MAPK10: variants seen among roughly 807,000 people sequenced by gnomAD.
MAPK10 encodes mitogen-activated protein kinase 10.
Under a neutral mutation model 59.3 loss-of-function variants are expected in MAPK10, and 25 were observed. The observed-to-expected ratio is 0.42, with a 90% CI of 0.31 to 0.59. The LOEUF (loss-of-function observed/expected upper bound fraction) is 0.59, where lower values mean the gene tolerates loss of function less well. Ranked by LOEUF, MAPK10 falls within the 20% of genes least tolerant of loss-of-function variation. The pLI is 0.15. For missense variants in MAPK10, 351 were observed against 568.9 expected (o/e 0.62, Z 3.90); for synonymous variants, 190 against 200.5 (o/e 0.95, Z 0.44).
At chr4:86,108,714 T>G (rs1255542587) in intron 4 of MAPK10, among the ~76,000 whole-genome samples, 1 of 152,216 alleles carries the variant, frequency 6.6e-6, no homozygotes, top group Non-Finnish European at 1.5e-5. Context: ...GCCATCATTC[T>G]AATAAACAGA....
chr4:86,270,221 G>C (rs1214742902), intron 2 of MAPK10, among the ~76,000 whole-genome samples: 2 of 151,924 alleles, frequency 1.3e-5, no homozygotes, highest in Non-Finnish European at 1.5e-5. Context: ...CTGTTCAAAA[G>C]TTGCTCAGCA....
At chr4:86,122,662 C>A (rs2059445959) in intron 4 of MAPK10, among the ~76,000 whole-genome samples, 1 of 152,102 alleles carries the variant, frequency 6.6e-6, no homozygotes, top group African/African-American at 2.4e-5. Flanking sequence ...ATTGTGTAAG[C>A]TGACACAATT....
intron 1 of MAPK10, among the ~76,000 whole-genome samples, chr4:86,585,542 A>C (rs1397493022): frequency 6.6e-6 from 1 of 152,248 alleles, no homozygotes; most frequent in Non-Finnish European, 1.5e-5. Context: ...CTGGCTAATG[A>C]ATGCATAACG....
chr4:86,297,788 G>A (rs558671036), intron 2 of MAPK10, among the ~76,000 whole-genome samples: 3 of 152,012 alleles, frequency 2.0e-5, no homozygotes, highest in South Asian at 2.1e-4. Context: ...AAGAGTGATC[G>A]ATGTCAAACA....
At chr4:86,022,942 T>C (rs1003816570) in intron 13 of MAPK10, among the ~76,000 whole-genome samples, 1 of 152,264 alleles carries the variant, frequency 6.6e-6, no homozygotes, top group African/African-American at 2.4e-5. Flanking sequence ...ATTTTTAATT[T>C]TTATGAAATA....
chr4:86,222,769 C>G (rs909657983), intron 2 of MAPK10, among the ~76,000 whole-genome samples: 2 of 152,264 alleles, frequency 1.3e-5, no homozygotes, highest in African/African-American at 4.8e-5. Context: ...CTATGCACCC[C>G]CTAATAGACT....
chr4:86,401,921 G>C (rs1267951444), intron 1 of MAPK10, among the ~76,000 whole-genome samples: 15 of 152,030 alleles, frequency 9.9e-5, no homozygotes, highest in Admixed American at 9.8e-4. Flanking sequence ...TTGAAACTTT[G>C]AGAAACTATC....
intron 2 of MAPK10, among the ~76,000 whole-genome samples, chr4:86,204,027 A>G (rs1266271572): frequency 1.3e-5 from 2 of 151,892 alleles, no homozygotes; most frequent in African/African-American, 4.8e-5. Context: ...GTATCGGAAC[A>G]TAGCCATCCA....
rs536736910 is a variant in MAPK10, at chr4:86,494,782, G to T, written c.-263+99128C>A. 2.1e-4 allele frequency among the ~76,000 whole-genome samples: 28 copies of T among 136,006 alleles called. No homozygotes were observed. The South Asian group carries it at 2.2e-3, about 11-fold the overall frequency. The allele number at this position is 136,006 out of a possible 152,430, so 89.2% of individuals were successfully genotyped here. The stretch of plus-strand genomic sequence containing the variant: ...GGCGTGAACCTGGGAGGCGGAGCTT[G>T]CAGTGAGCTGAGATCGTGCCACTGC... On this transcript the variant is annotated intron_variant, in intron 1 of 4. Transcript: ENST00000502302.
At chr4:86,070,324 T>G (rs2148999657) in intron 9 of MAPK10, among the ~76,000 whole-genome samples, 1 of 152,194 alleles carries the variant, frequency 6.6e-6, no homozygotes, top group Admixed American at 6.5e-5. Context: ...ATGTCCAATT[T>G]AGTTGAGCAC....
chr4:86,070,496 T>G (rs1210003786), intron 9 of MAPK10, among the ~76,000 whole-genome samples: 2 of 150,824 alleles, frequency 1.3e-5, no homozygotes, highest in Admixed American at 6.6e-5. Context: ...ACCCACTAAC[T>G]CGTCATCTAG....
intron 1 of MAPK10, chr4:86,358,392 C>T (rs17417318): frequency 0.038 from 37,062 of 984,962 alleles, 781 homozygotes; most frequent in Non-Finnish European, 0.042. Context: ...TTCCTTCCAC[C>T]TGAACTGTAG....
intron 3 of MAPK10, among the ~76,000 whole-genome samples, chr4:86,185,193 G>T (rs1001655941): frequency 6.6e-6 from 1 of 152,156 alleles, no homozygotes; most frequent in African/African-American, 2.4e-5. Flanking sequence ...TGGTTCATGT[G>T]CAAAATGCAT....
chr4:86,041,171 G>A (rs2041440994), intron 11 of MAPK10, among the ~76,000 whole-genome samples: 1 of 151,940 alleles, frequency 6.6e-6, no homozygotes, highest in Admixed American at 6.6e-5. Flanking sequence ...CTACAATAAT[G>A]TGTTAAGGCA....
chr4:86,157,637 C>T (rs2068221320), intron 4 of MAPK10, among the ~76,000 whole-genome samples: 1 of 151,876 alleles, frequency 6.6e-6, no homozygotes, highest in South Asian at 2.1e-4. Context: ...GATGAGCTCA[C>T]AGTTGACAAA....
chr4:86,227,213 T>A (rs2090774588), intron 2 of MAPK10, among the ~76,000 whole-genome samples: 1 of 151,172 alleles, frequency 6.6e-6, no homozygotes, highest in South Asian at 2.1e-4. Context: ...CACGGCCGGG[T>A]GGGGTGGCTC....
chr4:86,374,906 G>C (rs1278512694), intron 1 of MAPK10, among the ~76,000 whole-genome samples: 1 of 152,186 alleles, frequency 6.6e-6, no homozygotes, highest in African/African-American at 2.4e-5. Context: ...ATGATATTAT[G>C]AATGCATGTG....
In MAPK10 at chr4:86,067,768, C is replaced by T; in HGVS notation, c.985+5G>A. On this transcript the variant is annotated splice_donor_5th_base_variant and intron_variant, in intron 10 of 13. Coordinates refer to ENST00000641462, the MANE Select transcript of MAPK10 (RefSeq NM_138982.4). ...TTGTCCTCAAGTCATTCCTGAAGGG[C>T]ATACCTTTGAGTTTATTGTGCTCGG... 1.2e-6 allele frequency: 2 copies of T among 1,606,180 alleles called. No homozygotes were observed. The highest frequency in any genetic ancestry group is 1.7e-6 in the Non-Finnish European group (2 of 1,175,934).
At chr4:86,230,293 A>G (rs898267396) in intron 2 of MAPK10, among the ~76,000 whole-genome samples, 1 of 152,218 alleles carries the variant, frequency 6.6e-6, no homozygotes, top group Non-Finnish European at 1.5e-5. Flanking sequence ...GAAGCACATG[A>G]ACTGTCAGTG....
Sources: allele counts gnomAD v4.1 joint callset (sites outside exome capture counted in the v4.1 genomes callset), GRCh38; gene constraint gnomAD v4.1.1; transcripts MANE v1.5; gene names NCBI Gene and HGNC (gene_info 2026-07-23, HGNC 2026-07-21).